The following ZKSCAN4 variants were observed in gnomAD, a reference collection of about 807,000 sequenced individuals.
The protein encoded by ZKSCAN4 is zinc finger protein with KRAB and SCAN domains 4.
ZKSCAN4 carries 23 observed loss-of-function variants against 30.8 expected under a neutral mutation model. That is an observed-to-expected ratio of 0.75 (90% CI 0.54 to 1.06). ZKSCAN4 has a LOEUF of 1.06. Among genes scored for constraint, ZKSCAN4 ranks in the 50% least tolerant of loss-of-function variants. ZKSCAN4 has a pLI of 0.00. For synonymous variants in ZKSCAN4, 208 were observed against 252.5 expected (o/e 0.82, Z 1.67); for missense variants, 556 against 665.4 (o/e 0.84, Z 1.81).
upstream of ZKSCAN4, among the ~76,000 whole-genome samples, chr6:28,253,019 C>G (rs1019696804): frequency 3.9e-5 from 6 of 152,090 alleles, no homozygotes; most frequent in African/African-American, 1.4e-4. This position sits in a 1 kb window ranked among gnomAD's most constrained non-coding sequence, Gnocchi z 4.2. Context: ...TCCCTGTGCC[C>G]GACTTTTCCA....
chr6:28,250,222 C>T (rs1278533577), intron 1 of ZKSCAN4, among the ~76,000 whole-genome samples: 1 of 152,108 alleles, frequency 6.6e-6, no homozygotes, highest in East Asian at 1.9e-4. Flanking sequence ...CATGTGCCAC[C>T]ACGCCCGGCT....
chr6:28,256,295 G>T (rs1386026066), upstream of ZKSCAN4, among the ~76,000 whole-genome samples: 2 of 152,044 alleles, frequency 1.3e-5, no homozygotes, highest in Non-Finnish European at 2.9e-5. Context: ...TGAGCATGGT[G>T]GCACACAGCT....
Position 28,245,267 on chromosome 6 carries a change from A to T in ZKSCAN4, c.1487T>A (p.Phe496Tyr). The T allele has an allele frequency of 1.2e-6, 2 of 1,613,980 alleles. No homozygotes were observed. The highest frequency in any genetic ancestry group is 1.7e-6 in the Non-Finnish European group (2 of 1,179,998). The change falls in exon 5 of 5, where the codon TTC becomes TAC. Residue 496 changes from phenylalanine (F) to tyrosine (Y), a missense_variant. By Grantham distance (22) the Phe-to-Tyr change is conservative (BLOSUM62 3). Transcript: ENST00000377294. ...TTCAATAAGACTTCTATTCCGTGTG[A>T]AACTTCTCTCACACTCATTACATTT... ...SYKCNECERSFTRNRSLIEHQ... is the reference protein window; with the variant it reads ...SYKCNECERSYTRNRSLIEHQ...
chr6:28,245,945 A>T lies in ZKSCAN4; in HGVS notation c.809T>A (p.Leu270Ter). Residue 270 changes from leucine to a stop codon, truncating the protein, a stop_gained, in exon 5 of 5, where the codon TTG becomes TAG. Transcript: ENST00000377294. LOFTEE classifies it low-confidence loss of function (END_TRUNC). ...TTCTGGAAGCTTCTTGACTGGAGGC[A>T]AGTCCCTGCTCTTAGTCTGTATTTC... ...GGEIQTKSRD[L>*]PPVKKLPEKE... 1 of 1,614,214 alleles carries T rather than the reference A, an allele frequency of 6.2e-7. No individual in the cohort carries two copies. Among genetic ancestry groups the T allele is most frequent in the Non-Finnish European group, 8.5e-7 (1 of 1,180,036 alleles).
At position 28,249,860 on chromosome 6, in the gene ZKSCAN4, T is replaced by C. The variant is rs1290887225; in HGVS notation, c.424-26A>G. 6.2e-7 allele frequency: 1 copy of C among 1,611,592 alleles called. No individual in the cohort carries two copies. The highest frequency in any genetic ancestry group is 2.2e-5 in the East Asian group (1 of 44,866). On this transcript the variant is annotated intron_variant, in intron 1 of 4. Coordinates refer to ENST00000377294, the MANE Select transcript of ZKSCAN4 (RefSeq NM_019110.5). The surrounding 1 kb of genome is among the most constrained non-coding windows in gnomAD (Gnocchi z 4.1). ...CTAGAAGTCACGATTTTTAGTTATC[T>C]ACCCAACATTTCTATGTTTTCCATG...
chr6:28,246,883 G>A lies in ZKSCAN4; in HGVS notation c.778+86C>T. 3 of 1,426,186 alleles carry A rather than the reference G, an allele frequency of 2.1e-6. No individual in the cohort carries two copies. In the South Asian group the frequency reaches 4.6e-5, roughly 22 times the overall value. The allele number at this position is 1,426,186 out of a possible 1,614,324, so 88.3% of individuals were successfully genotyped here. ...TGATTCTGAATCCAAACATAATGGG[G>A]GCTTAACAGCTTCTAACAGCCCAAT... On this transcript the variant is annotated intron_variant, in intron 4 of 4. Transcript: ENST00000377294.
intron 2 of ZKSCAN4, among the ~76,000 whole-genome samples, chr6:28,248,452 G>A (rs1256438961): frequency 6.6e-6 from 1 of 152,176 alleles, no homozygotes; most frequent in Non-Finnish European, 1.5e-5. Context: ...GAGATGGGGA[G>A]TAAAGAGGGT....
the ZKSCAN4 span, among the ~76,000 whole-genome samples, chr6:28,258,747 G>A: frequency 7.1e-6 from 1 of 140,046 alleles, no homozygotes; most frequent in Non-Finnish European, 1.5e-5. Flanking sequence ...CAACCTGGGC[G>A]ACAGAGTGAG....
intron 1 of ZKSCAN4, among the ~76,000 whole-genome samples, chr6:28,250,505 G>A (rs1173070438): frequency 6.6e-6 from 1 of 151,894 alleles, no homozygotes; most frequent in East Asian, 1.9e-4. Context: ...ATATACATCT[G>A]TGTGTTTACG....
chr6:28,249,579 T>A lies in ZKSCAN4; in HGVS notation c.571+108A>T. The A allele has an allele frequency of 4.6e-6, 6 of 1,306,896 alleles. No homozygotes were observed. The highest frequency in any genetic ancestry group is 6.2e-6 in the Non-Finnish European group (6 of 969,518). The allele number at this position is 1,306,896 out of a possible 1,614,324, so 81.0% of individuals were successfully genotyped here. On this transcript the variant is annotated intron_variant, in intron 2 of 4. Transcript: ENST00000377294. This position sits in a 1 kb window ranked among gnomAD's most constrained non-coding sequence, Gnocchi z 4.1. ...CTTAGTCTCAGTCTTAAAATACAGC[T>A]CTCTGTGATGAGTATATAAAGTAAC...
At position 28,245,560 on chromosome 6, in the gene ZKSCAN4, G is replaced by A. The variant is rs754942700; in HGVS notation, c.1194C>T (p.His398=). Residue 398 remains histidine (H), a synonymous_variant, in exon 5 of 5, where the codon CAC becomes CAT. Coordinates refer to ENST00000377294, the MANE Select transcript of ZKSCAN4 (RefSeq NM_019110.5). ...SSNLIKHQRT[H]TGEKPYECDD... ...CACACTCATAGGGCTTCTCCCCAGTGTGGGTTCTCTGGTGTTTGATAAGGT... is the reference window on the plus strand; with the variant it reads ...CACACTCATAGGGCTTCTCCCCAGTATGGGTTCTCTGGTGTTTGATAAGGT... 4.6e-5 allele frequency: 75 copies of A among 1,614,110 alleles called. No homozygotes were observed. The highest frequency in any genetic ancestry group is 6.0e-5 in the Non-Finnish European group (71 of 1,180,052).
chr6:28,258,276 T>C, the ZKSCAN4 span, among the ~76,000 whole-genome samples: 2 of 152,224 alleles, frequency 1.3e-5, no homozygotes, highest in East Asian at 3.9e-4. Context: ...TTAATGCCTA[T>C]TTACATTTTA....
chr6:28,252,565 C>T (rs1761054844), upstream of ZKSCAN4, among the ~76,000 whole-genome samples: 1 of 152,078 alleles, frequency 6.6e-6, no homozygotes, highest in Admixed American at 6.5e-5. Context: ...GCAGGGGTTC[C>T]CCAGAGCCCC....
At chr6:28,255,985 T>C (rs1039677025), upstream of ZKSCAN4, among the ~76,000 whole-genome samples, 2 of 152,240 alleles carry the variant, frequency 1.3e-5, no homozygotes, top group African/African-American at 4.8e-5. Context: ...TATGCATTCA[T>C]GACTGAAATA....
rs967432719 is a variant in ZKSCAN4, at chr6:28,242,782, T to C, written c.*2334A>G. 2.0e-5 allele frequency among the ~76,000 whole-genome samples: 3 copies of C among 151,330 alleles called. No homozygotes were observed. Among genetic ancestry groups the C allele is most frequent in the African/African-American group, 7.3e-5 (3 of 41,154 alleles). On this transcript the variant is annotated 3_prime_UTR_variant, in exon 5 of 5. Transcript: ENST00000377294. The stretch of plus-strand genomic sequence containing the variant: ...ACACACACACACACACACACACAAA[T>C]AGAGGCTTTATTTCTTCCCTTTTCT...
chr6:28,248,177 A>G (rs149062101), intron 2 of ZKSCAN4, 28 bp from the exon 3 acceptor site: 90 of 1,582,426 alleles, frequency 5.7e-5, no homozygotes, highest in South Asian at 1.3e-4. Context: ...TCTGGATGAG[A>G]ACTACCCTAG....
intron 4 of ZKSCAN4, 165 bp from the exon 5 acceptor site, chr6:28,246,140 G>A (rs41269287): frequency 0.035 from 32,238 of 932,880 alleles, 682 homozygotes; most frequent in Non-Finnish European, 0.042. Flanking sequence ...CAGGGGTGCT[G>A]GGGAGGAAGG....
Position 28,244,977 on chromosome 6 carries a change from C to T in ZKSCAN4, c.*139G>A. 3.6e-6 allele frequency: 4 copies of T among 1,103,280 alleles called. No individual in the cohort carries two copies. Among genetic ancestry groups the T allele is most frequent in the Non-Finnish European group, 5.5e-6 (4 of 727,000 alleles). The allele number at this position is 1,103,280 out of a possible 1,614,324, so 68.3% of individuals were successfully genotyped here. On this transcript the variant is annotated 3_prime_UTR_variant, in exon 5 of 5. Transcript: ENST00000377294. ...TGTAGAAGATAACTCATCGTCTCAG[C>T]CAGACTACATTTTCTAATACCCGAT...
At position 28,245,827 on chromosome 6, in the gene ZKSCAN4, T is replaced by G. The variant is rs778184115; in HGVS notation, c.927A>C (p.Arg309Ser). Residue 309 changes from arginine (R) to serine (S), a missense_variant, in exon 5 of 5, where the codon AGA becomes AGC. Physicochemically the swap from Arg to Ser is moderately radical, Grantham distance 110 (BLOSUM62 -1). Coordinates refer to ENST00000377294, the MANE Select transcript of ZKSCAN4 (RefSeq NM_019110.5). Reference sequence around the variant, plus strand: ...TACTCCCTATGGCATTTTTCTGCTTTCTTTGTAACCTGCCCTCCTGTTCAC... The same window carrying G: ...TACTCCCTATGGCATTTTTCTGCTTGCTTTGTAACCTGCCCTCCTGTTCAC... ...EAGEQEGRLQRKQKNAIGSRR... is the reference protein window; with the variant it reads ...EAGEQEGRLQSKQKNAIGSRR... The G allele has an allele frequency of 7.8e-5, 126 of 1,614,150 alleles. No individual in the cohort carries two copies. Among genetic ancestry groups the G allele is most frequent in the Middle Eastern group, 1.6e-4 (1 of 6,084 alleles).
Sources: allele counts gnomAD v4.1 joint callset (sites outside exome capture counted in the v4.1 genomes callset), GRCh38; gene constraint gnomAD v4.1.1; non-coding constraint Gnocchi (gnomAD v3.1); transcripts MANE v1.5; gene names NCBI Gene and HGNC (gene_info 2026-07-23, HGNC 2026-07-21).